The following CAST variants were observed in gnomAD, a reference collection of about 807,000 sequenced individuals.
CAST encodes the protein MIR583 host.
In CAST, 76 loss-of-function variants were observed where a neutral mutation model predicts 119.6. The observed-to-expected ratio is 0.64, with a 90% confidence interval of 0.53 to 0.77. The LOEUF is 0.77. Ranked by LOEUF, CAST falls within the 30% of genes least tolerant of loss-of-function variation. The probability of loss-of-function intolerance (pLI) is 0.00; values close to 1 mark genes in which losing one functional copy is unlikely to be tolerated. For missense variants in CAST, 953 were observed against 946.5 expected, an observed-to-expected ratio of 1.01 and a Z score of -0.09; for synonymous variants, 319 against 331.6, an observed-to-expected ratio of 0.96 and a Z score of 0.41.
chr5:96,324,814 G>A, the CAST span, among the ~76,000 whole-genome samples: 2 of 151,504 alleles, frequency 1.3e-5, no homozygotes, highest in Non-Finnish European at 1.5e-5. Flanking sequence ...TTTTCCCCAG[G>A]TTCCACTTAA....
chr5:96,052,326 G>T, the CAST span, among the ~76,000 whole-genome samples: 1 of 152,156 alleles, frequency 6.6e-6, no homozygotes. Flanking sequence ...CTCTTCTAGT[G>T]TTGAAGATGG....
chr5:96,094,291 TGA>T, the CAST span, among the ~76,000 whole-genome samples: 14 of 152,202 alleles, frequency 9.2e-5, no homozygotes, highest in Admixed American at 3.9e-4. Context: ...GATTTGGCAT[TGA>T]GAGAGTGGCA....
chr5:95,974,593 C>A, the CAST span, among the ~76,000 whole-genome samples: 7 of 152,190 alleles, frequency 4.6e-5, no homozygotes, highest in Non-Finnish European at 7.3e-5. Context: ...TAAGATATGA[C>A]TTGTTACATT....
At chr5:96,024,380 T>A in the CAST span, among the ~76,000 whole-genome samples, 3 of 152,214 alleles carry the variant, frequency 2.0e-5, no homozygotes, top group South Asian at 2.1e-4. Flanking sequence ...GGAACAATTT[T>A]AATAATCTTT....
At chr5:96,327,838 G>A in the CAST span, among the ~76,000 whole-genome samples, 2 of 152,114 alleles carry the variant, frequency 1.3e-5, no homozygotes. Flanking sequence ...TTATAATGAG[G>A]ATAACACTCA....
chr5:96,201,680 G>T, the CAST span, among the ~76,000 whole-genome samples: 1 of 151,736 alleles, frequency 6.6e-6, no homozygotes, highest in Non-Finnish European at 1.5e-5. Flanking sequence ...ATGGATCTGG[G>T]TTAAGGTCCT....
chr5:95,975,614 T>C, the CAST span, among the ~76,000 whole-genome samples: 4 of 152,210 alleles, frequency 2.6e-5, no homozygotes, highest in African/African-American at 9.6e-5. Flanking sequence ...TCCAGAGAGG[T>C]TGGCAATAAC....
the CAST span, among the ~76,000 whole-genome samples, chr5:96,082,848 G>A: frequency 6.6e-6 from 1 of 152,084 alleles, no homozygotes; most frequent in East Asian, 1.9e-4. Context: ...AAAAAGGCAA[G>A]AAAGAAATTA....
the CAST span, among the ~76,000 whole-genome samples, chr5:96,038,378 A>T: frequency 2.6e-4 from 40 of 151,890 alleles, no homozygotes; most frequent in African/African-American, 8.4e-4. Flanking sequence ...CCTTTTTTTT[A>T]AAAATTATTA....
At chr5:96,620,716 G>A (rs187017888) in intron 1 of CAST, among the ~76,000 whole-genome samples, 148 of 152,252 alleles carry the variant, frequency 9.7e-4, no homozygotes, top group Admixed American at 2.4e-3. Flanking sequence ...TACTATCTTC[G>A]ACAGTGAACA....
At chr5:96,187,788 G>C in the CAST span, among the ~76,000 whole-genome samples, 27,541 of 152,136 alleles carry the variant, frequency 0.18, 4,378 homozygotes, top group African/African-American at 0.42. Flanking sequence ...AAACAGCTAC[G>C]TAAATGTTAT....
the CAST span, among the ~76,000 whole-genome samples, chr5:96,305,046 G>A: frequency 6.6e-6 from 1 of 152,242 alleles, no homozygotes; most frequent in East Asian, 1.9e-4. Flanking sequence ...TGGGCAGTAC[G>A]GCCATTTTCA....
the CAST span, among the ~76,000 whole-genome samples, chr5:96,427,188 A>G: frequency 6.6e-6 from 1 of 152,208 alleles, no homozygotes; most frequent in Admixed American, 6.5e-5. Flanking sequence ...ATCAAAAAAG[A>G]GCAATAAAAT....
chr5:96,491,483 T>C, the CAST span, among the ~76,000 whole-genome samples: 1 of 40,064 alleles, frequency 2.5e-5, no homozygotes, highest in African/African-American at 7.6e-5. Context: ...AGAGCGAGAC[T>C]CCATCTCAAA....
chr5:96,591,811 CA>C (rs147599333), intron 1 of CAST, among the ~76,000 whole-genome samples: 285 of 152,248 alleles, frequency 1.9e-3, no homozygotes, highest in African/African-American at 6.5e-3. Flanking sequence ...TGGAGAAAAG[CA>C]GTACTGTTTA....
chr5:95,964,575 G>A, the CAST span, among the ~76,000 whole-genome samples: 3 of 152,170 alleles, frequency 2.0e-5, no homozygotes, highest in African/African-American at 7.2e-5. Context: ...GTTTAATGGA[G>A]GTGATAGAAC....
At chr5:96,462,426 T>A in the CAST span, among the ~76,000 whole-genome samples, 79 of 152,280 alleles carry the variant, frequency 5.2e-4, no homozygotes, top group African/African-American at 1.6e-3. Context: ...CCTCTACAAG[T>A]AAAGATTCTT....
chr5:96,364,441 T>C, the CAST span, among the ~76,000 whole-genome samples: 3 of 152,210 alleles, frequency 2.0e-5, no homozygotes, highest in African/African-American at 7.2e-5. Flanking sequence ...CGGCTGTGAA[T>C]CCGTCTGGTC....
At chr5:96,607,798 G>A (rs1747288440) in intron 1 of CAST, among the ~76,000 whole-genome samples, 1 of 152,092 alleles carries the variant, frequency 6.6e-6, no homozygotes, top group Admixed American at 6.5e-5. Context: ...CAGAATAGGT[G>A]GGCCTTTTTT....
Sources: gnomAD v4.1 joint callset for allele counts (sites outside exome capture counted in the v4.1 genomes callset) on GRCh38, gnomAD v4.1.1 for gene constraint, MANE v1.5 for transcripts, NCBI Gene and HGNC (gene_info 2026-07-23, HGNC 2026-07-21) for gene names.